ACTL6A: variants seen among roughly 807,000 people sequenced by gnomAD.
ACTL6A encodes actin like 6A, also known as actin-like protein 6A.
ACTL6A carries 5 observed loss-of-function variants against 59.2 expected under a neutral mutation model. The ratio of observed to expected loss-of-function variants is 0.08; its 90% confidence interval spans 0.04 to 0.18. The LOEUF (loss-of-function observed/expected upper bound fraction) is 0.18. ACTL6A is among the 10% of genes least tolerant of loss of function. The pLI is 1.00. For missense variants in ACTL6A, 285 were observed against 526.9 expected (o/e 0.54, Z 4.49); for synonymous variants, 154 against 171.8 (o/e 0.90, Z 0.81).
intron 1 of ACTL6A, among the ~76,000 whole-genome samples, chr3:179,567,384 A>G (rs1262498209): frequency 2.6e-5 from 4 of 152,164 alleles, no homozygotes; most frequent in African/African-American, 9.7e-5. Context: ...AAAAATAAAT[A>G]AATAAATAAA....
chr3:179,580,996 T>A lies in ACTL6A; in HGVS notation c.933T>A (p.Pro311=). The A allele has an allele frequency of 6.3e-7, 1 of 1,590,914 alleles. No homozygotes were observed. The highest frequency in any genetic ancestry group is 8.5e-7 in the Non-Finnish European group (1 of 1,174,404). ...AGATTCCAGAAGGATTATTTGACCC[T>A]TCCAATGTAAAGGTATAAAAGCTTA... The part of the protein sequence containing the change: ...RLKIPEGLFD[P]SNVKGLSGNT... Residue 311 remains proline, a synonymous_variant, in exon 10 of 14, where the codon CCT becomes CCA. Transcript: ENST00000429709.
chr3:179,574,632 C>A, intron 5 of ACTL6A, 165 bp downstream of exon 5: 1 of 608,866 alleles, frequency 1.6e-6, no homozygotes, highest in Non-Finnish European at 3.0e-6. Flanking sequence ...CTTGTTAGAA[C>A]TGATGATACA....
At chr3:179,582,386 A>G (rs533565273) in intron 11 of ACTL6A, among the ~76,000 whole-genome samples, 2 of 152,356 alleles carry the variant, frequency 1.3e-5, no homozygotes, top group South Asian at 2.1e-4. Flanking sequence ...TTTCTGATGC[A>G]TACATGCAAA....
At chr3:179,566,665 T>C (rs1284433039) in intron 1 of ACTL6A, among the ~76,000 whole-genome samples, 2 of 152,148 alleles carry the variant, frequency 1.3e-5, no homozygotes, top group East Asian at 3.9e-4. Flanking sequence ...AGTCCAAGTC[T>C]GAATTTTCTC....
In ACTL6A at chr3:179,574,358, C is replaced by T. The variant is rs1263994257; in HGVS notation, c.379-12C>T. On this transcript the variant is annotated splice_polypyrimidine_tract_variant and intron_variant, in intron 4 of 13. Coordinates refer to ENST00000429709, the MANE Select transcript of ACTL6A (RefSeq NM_004301.5). ...CTTAATAACTTGCATTTCTTTTTCC[C>T]CTCTTCTCAAGTGGAATACTAGAGC... is the stretch of plus-strand genomic sequence containing the variant. The T allele has an allele frequency of 6.5e-7, 1 of 1,549,664 alleles. No individual in the cohort carries two copies. Among genetic ancestry groups the T allele is most frequent in the South Asian group, 1.1e-5 (1 of 88,646 alleles).
chr3:179,567,536 G>A (rs949994524), intron 1 of ACTL6A, among the ~76,000 whole-genome samples: 4 of 152,178 alleles, frequency 2.6e-5, no homozygotes, highest in Non-Finnish European at 5.9e-5. Context: ...AAGGGCTCCT[G>A]GCGCAGGGCA....
rs1201832680 is a variant in ACTL6A, at chr3:179,573,387, T to A, written c.296T>A (p.Phe99Tyr). 1.3e-6 allele frequency: 2 copies of A among 1,587,140 alleles called. No homozygotes were observed. Among genetic ancestry groups the A allele is most frequent in the Non-Finnish European group, 1.7e-6 (2 of 1,170,520 alleles). Residue 99 changes from phenylalanine to tyrosine, a missense_variant, in exon 4 of 14, where the codon TTC becomes TAC. Phe to Tyr is a conservative substitution (Grantham distance 22, BLOSUM62 3). Coordinates refer to ENST00000429709, the MANE Select transcript of ACTL6A (RefSeq NM_004301.5). ...KNGMVEDWDS[F>Y]QAILDHTYKM... ...ATTCTAGTTGAAGACTGGGATAGTT[T>A]CCAAGCTATTTTGGATCATACCTAC...
intron 1 of ACTL6A, among the ~76,000 whole-genome samples, chr3:179,568,451 C>T (rs1256282463): frequency 3.3e-5 from 5 of 151,392 alleles, no homozygotes; most frequent in Non-Finnish European, 7.4e-5. Context: ...CAGATTTCCT[C>T]TCTCTCCCTT....
At chr3:179,565,969 G>A (rs1037174924) in intron 1 of ACTL6A, among the ~76,000 whole-genome samples, 7 of 152,154 alleles carry the variant, frequency 4.6e-5, no homozygotes, top group Admixed American at 3.9e-4. Flanking sequence ...ATAAGAGCTC[G>A]ATTGAAGGCA....
chr3:179,565,885 G>T (rs185715477), intron 1 of ACTL6A, among the ~76,000 whole-genome samples: 2 of 152,174 alleles, frequency 1.3e-5, no homozygotes, highest in African/African-American at 4.8e-5. Context: ...TAGTGCAGCA[G>T]TTGGAAGGGT....
chr3:179,571,512 G>A (rs1718008257), intron 3 of ACTL6A, among the ~76,000 whole-genome samples: 1 of 151,962 alleles, frequency 6.6e-6, no homozygotes, highest in South Asian at 2.1e-4. Context: ...TCACTCACAG[G>A]ACTCAGCATA....
chr3:179,577,052 A>G (rs1251955879), intron 8 of ACTL6A, 139 bp downstream of exon 8: 1 of 581,092 alleles, frequency 1.7e-6, no homozygotes, highest in South Asian at 2.9e-5. Context: ...TTTTATTACT[A>G]AATACATTTT....
At chr3:179,584,928 C>A (rs986699513) in intron 12 of ACTL6A, among the ~76,000 whole-genome samples, 2 of 152,130 alleles carry the variant, frequency 1.3e-5, no homozygotes, top group African/African-American at 2.4e-5. Context: ...AGTCTTTTAG[C>A]TTCCCATATA....
At position 179,583,406 on chromosome 3, in the gene ACTL6A, T is replaced by C. The variant is rs114929315; in HGVS notation, c.1080T>C (p.Phe360=). ...VAGGNTLIQS[F]TDRLNRELSQ... ...GAGGAAACACACTAATACAGAGTTT[T>C]ACTGACAGGTTGAATAGAGAGCTGT... Residue 360 remains phenylalanine, a synonymous_variant, in exon 12 of 14, where the codon TTT becomes TTC. Coordinates refer to ENST00000429709, the MANE Select transcript of ACTL6A (RefSeq NM_004301.5). The C allele has an allele frequency of 0.015, 24,495 of 1,613,352 alleles. 255 individuals carry two copies. Among genetic ancestry groups the C allele is most frequent in the Non-Finnish European group, 0.018 (21,398 of 1,179,480 alleles).
At chr3:179,563,178 C>T in intron 1 of ACTL6A, 61 bp downstream of exon 1, 2 of 1,560,648 alleles carry the variant, frequency 1.3e-6, no homozygotes, top group Non-Finnish European at 1.7e-6. Flanking sequence ...TTGTAACCGC[C>T]GCTCCCAGCC....
intron 5 of ACTL6A, chr3:179,575,520 C>T (rs1718142045): frequency 2.0e-5 from 9 of 446,982 alleles, no homozygotes; most frequent in Non-Finnish European, 4.0e-5. Flanking sequence ...CAGCCTCCCT[C>T]CTTCCTCCCT....
At chr3:179,580,431 G>A (rs750854119) in intron 8 of ACTL6A, among the ~76,000 whole-genome samples, 1 of 152,180 alleles carries the variant, frequency 6.6e-6, no homozygotes, top group African/African-American at 2.4e-5. Flanking sequence ...TAACTTAAAT[G>A]TGTGTAATTA....
In ACTL6A at chr3:179,581,142, G is replaced by T; in HGVS notation, c.948G>T (p.Gly316=). The change falls in exon 11 of 14, where the codon GGG becomes GGT. Residue 316 remains glycine, a splice_region_variant and synonymous_variant. Coordinates refer to ENST00000429709, the MANE Select transcript of ACTL6A (RefSeq NM_004301.5). Reference sequence around the variant, plus strand: ...CTACTTGTTTTCTTTTGTTGTAGGGGTTATCAGGAAACACAATGTTAGGAG... The same window carrying T: ...CTACTTGTTTTCTTTTGTTGTAGGGTTTATCAGGAAACACAATGTTAGGAG... ...EGLFDPSNVK[G]LSGNTMLGVS... The T allele has an allele frequency of 2.5e-6, 4 of 1,613,876 alleles. No homozygotes were observed. Among genetic ancestry groups the T allele is most frequent in the Non-Finnish European group, 3.4e-6 (4 of 1,179,798 alleles).
At chr3:179,579,605 T>C (rs543833577) in intron 8 of ACTL6A, among the ~76,000 whole-genome samples, 1 of 152,106 alleles carries the variant, frequency 6.6e-6, no homozygotes, top group Admixed American at 6.5e-5. Context: ...CTGGCCAACA[T>C]GGTGAGACCC....
Sources: gnomAD v4.1 joint callset for allele counts (sites outside exome capture counted in the v4.1 genomes callset) on GRCh38, gnomAD v4.1.1 for gene constraint, MANE v1.5 for transcripts, NCBI Gene and HGNC (gene_info 2026-07-23, HGNC 2026-07-21) for gene names.